Variants in TRPC7 observed in about 807,000 individuals in gnomAD.
TRPC7 encodes short transient receptor potential channel 7.
Under a neutral mutation model 90.1 loss-of-function variants are expected in TRPC7, and 42 were observed. The observed-to-expected ratio is 0.47, with a 90% CI of 0.36 to 0.60. TRPC7 has a LOEUF of 0.60. Ranked by LOEUF, TRPC7 falls within the 20% of genes least tolerant of loss-of-function variation. TRPC7 has a pLI of 0.00. For missense variants in TRPC7, 955 were observed against 1,112.3 expected, an observed-to-expected ratio of 0.86 and a Z score of 2.01; for synonymous variants, 451 against 436.3, an observed-to-expected ratio of 1.03 and a Z score of -0.42.
At chr5:136,330,507 A>C (rs943887244) in intron 2 of TRPC7, among the ~76,000 whole-genome samples, 1 of 152,228 alleles carries the variant, frequency 6.6e-6, no homozygotes, top group Non-Finnish European at 1.5e-5. Flanking sequence ...TGCTAGAAAC[A>C]CTGACTGCCC....
intron 5 of TRPC7, among the ~76,000 whole-genome samples, chr5:136,262,143 C>T (rs1204865012): frequency 6.6e-6 from 1 of 152,220 alleles, no homozygotes; most frequent in African/African-American, 2.4e-5. Flanking sequence ...GCAGTGGCCT[C>T]CTAATTGGTC....
chr5:136,305,147 GC>G (rs1366013758), intron 3 of TRPC7, among the ~76,000 whole-genome samples: 1 of 152,054 alleles, frequency 6.6e-6, no homozygotes, highest in Admixed American at 6.6e-5. Flanking sequence ...ATTGTTCTTG[GC>G]CCGGACTTCA....
chr5:136,335,890 C>T (rs917147446), intron 2 of TRPC7, among the ~76,000 whole-genome samples: 37 of 114,698 alleles, frequency 3.2e-4, no homozygotes, highest in Non-Finnish European at 5.1e-4. Flanking sequence ...GGCGACAGAG[C>T]GAGACTCCGT....
At chr5:136,353,562 CA>C (rs1324003653) in intron 2 of TRPC7, among the ~76,000 whole-genome samples, 1 of 152,150 alleles carries the variant, frequency 6.6e-6, no homozygotes, top group African/African-American at 2.4e-5. Flanking sequence ...TTTTTTATTA[CA>C]ATTTGACTTC....
chr5:136,229,093 C>G (rs917764385), intron 8 of TRPC7, among the ~76,000 whole-genome samples: 1 of 152,208 alleles, frequency 6.6e-6, no homozygotes, highest in African/African-American at 2.4e-5. Flanking sequence ...TTTTCTCTTA[C>G]ACATGGGGAA....
chr5:136,347,610 T>C (rs890356306), intron 2 of TRPC7, among the ~76,000 whole-genome samples: 1 of 152,238 alleles, frequency 6.6e-6, no homozygotes, highest in Non-Finnish European at 1.5e-5. Context: ...TTATCACTTC[T>C]GAACCCACTT....
At position 136,357,286 on chromosome 5, in the gene TRPC7, G is replaced by T. The variant is rs368448135; in HGVS notation, c.102C>A (p.Asn34Lys). ...QAIRGPAYMF[N>K]EKGTSLTPEE... The stretch of plus-strand genomic sequence containing the variant: ...CGGGCGTCAGACTGGTGCCCTTCTC[G>T]TTGAACATGTAGGCGGGACCCCGGA... The change falls in exon 2 of 12, where the codon AAC becomes AAA. Residue 34 changes from asparagine (N) to lysine (K), a missense_variant. Physicochemically the swap from Asn to Lys is moderately conservative, Grantham distance 94. Coordinates refer to ENST00000513104, the MANE Select transcript of TRPC7 (RefSeq NM_020389.3). 3.7e-6 allele frequency: 6 copies of T among 1,612,532 alleles called. No individual in the cohort carries two copies. The highest frequency in any genetic ancestry group is 4.2e-6 in the Non-Finnish European group (5 of 1,179,880).
At chr5:136,292,244 A>T (rs1214217466) in intron 3 of TRPC7, among the ~76,000 whole-genome samples, 3 of 152,210 alleles carry the variant, frequency 2.0e-5, no homozygotes, top group Non-Finnish European at 4.4e-5. Flanking sequence ...TAGAGAAGCA[A>T]GAGCAAACAC....
chr5:136,251,973 T>A, intron 5 of TRPC7, 91 bp from the exon 6 acceptor site: 1 of 1,014,144 alleles, frequency 9.9e-7, no homozygotes, highest in Non-Finnish European at 1.5e-6. Context: ...AGTACAAATG[T>A]AAATATCAGC....
intron 10 of TRPC7, among the ~76,000 whole-genome samples, chr5:136,219,398 C>T (rs1458931100): frequency 2.6e-5 from 4 of 152,326 alleles, no homozygotes; most frequent in Admixed American, 2.0e-4. Flanking sequence ...AGCCTTCCTC[C>T]TCACCTCCAG....
At chr5:136,277,400 C>G (rs775681559) in intron 3 of TRPC7, among the ~76,000 whole-genome samples, 6 of 152,238 alleles carry the variant, frequency 3.9e-5, no homozygotes, top group Non-Finnish European at 8.8e-5. Flanking sequence ...AATAAGATAT[C>G]AGCTGTGGAT....
rs948201594 is a variant in TRPC7, at chr5:136,233,299, T to G, written c.1845-1750A>C. Among the ~76,000 whole-genome samples, 15 of 152,372 alleles carry G rather than the reference T, an allele frequency of 9.8e-5. No individual in the cohort carries two copies. In the East Asian group the frequency reaches 2.7e-3, roughly 27 times the overall value. The stretch of plus-strand genomic sequence containing the variant: ...GGTGTTTATAAGCAACGACAGGGTA[T>G]TAAGCCATTATTGCAGAGCTCCAGC... On this transcript the variant is annotated intron_variant, in intron 7 of 11. Coordinates refer to ENST00000513104, the MANE Select transcript of TRPC7 (RefSeq NM_020389.3).
intron 2 of TRPC7, among the ~76,000 whole-genome samples, chr5:136,354,939 C>G (rs181687404): frequency 1.3e-5 from 2 of 152,346 alleles, no homozygotes; most frequent in Admixed American, 1.3e-4. Context: ...CCAATTACAT[C>G]TCCTTTGAGC....
At chr5:136,301,391 C>A (rs1758381537) in intron 3 of TRPC7, among the ~76,000 whole-genome samples, 1 of 137,082 alleles carries the variant, frequency 7.3e-6, no homozygotes, top group South Asian at 2.4e-4. Flanking sequence ...CCTCTGAACC[C>A]AAGCCAAGCC....
chr5:136,219,249 G>A (rs1755374307), intron 10 of TRPC7, among the ~76,000 whole-genome samples: 1 of 152,260 alleles, frequency 6.6e-6, no homozygotes, highest in African/African-American at 2.4e-5. Context: ...CTCGATCTGA[G>A]CCAGGGTTTC....
At chr5:136,214,926 G>A (rs1371309316) in intron 11 of TRPC7, among the ~76,000 whole-genome samples, 3 of 152,168 alleles carry the variant, frequency 2.0e-5, no homozygotes, top group African/African-American at 7.2e-5. Flanking sequence ...TCATCTAAGA[G>A]TAACTGCTTA....
chr5:136,232,628 T>C (rs1755853388), intron 7 of TRPC7, among the ~76,000 whole-genome samples: 1 of 152,230 alleles, frequency 6.6e-6, no homozygotes, highest in African/African-American at 2.4e-5. Context: ...TTTGGCCCTT[T>C]TGAGACTACG....
chr5:136,274,371 T>C (rs1276862285), intron 4 of TRPC7, among the ~76,000 whole-genome samples: 1 of 152,200 alleles, frequency 6.6e-6, no homozygotes, highest in Admixed American at 6.5e-5. Context: ...GCTTAGGACA[T>C]TGCATAATTA....
chr5:136,233,343 AG>A (rs988709329), intron 7 of TRPC7, among the ~76,000 whole-genome samples: 1 of 152,216 alleles, frequency 6.6e-6, no homozygotes, highest in African/African-American at 2.4e-5. Context: ...CTATTCTGGA[AG>A]GGGGGAGAAC....
Sources: gnomAD v4.1 joint callset for allele counts (sites outside exome capture counted in the v4.1 genomes callset) on GRCh38, gnomAD v4.1.1 for gene constraint, MANE v1.5 for transcripts, NCBI Gene and HGNC (gene_info 2026-07-23, HGNC 2026-07-21) for gene names.